Variants in ERCC6 observed in about 807,000 individuals in gnomAD.
ERCC6 encodes ERCC excision repair 6, chromatin remodeling factor, also known as DNA excision repair protein ERCC-6.
ERCC6 carries 116 observed loss-of-function variants against 158.7 expected under a neutral mutation model. The ratio of observed to expected loss-of-function variants is 0.73; its 90% confidence interval spans 0.63 to 0.85. The LOEUF is 0.85. Among genes scored for constraint, ERCC6 ranks in the 40% least tolerant of loss-of-function variants. The pLI is 0.00. For missense variants in ERCC6, 1,698 were observed against 1,799.4 expected (o/e 0.94, Z 1.02); for synonymous variants, 678 against 659.3 (o/e 1.03, Z -0.43).
In ERCC6 at chr10:49,516,673, G is replaced by T. The variant is rs1175092926; in HGVS notation, c.1397+7360C>A. Reference sequence around the variant, plus strand: ...TCAATGACCTCGTCATCAAGAAAAAGTTCAAGAATTTCTGTGGGAGTTCTC... The same window carrying T: ...TCAATGACCTCGTCATCAAGAAAAATTTCAAGAATTTCTGTGGGAGTTCTC... On this transcript the variant is annotated intron_variant, in intron 5 of 20. Transcript: ENST00000355832. 5 of 1,614,066 alleles carry T rather than the reference G, an allele frequency of 3.1e-6. No individual in the cohort carries two copies. In the East Asian group the frequency reaches 8.9e-5, roughly 29 times the overall value.
chr10:49,459,782 A>T (rs956991208), intron 20 of ERCC6, among the ~76,000 whole-genome samples: 2 of 152,220 alleles, frequency 1.3e-5, no homozygotes, highest in Non-Finnish European at 1.5e-5. Context: ...AGCACAGAAC[A>T]TGGGAAGTCA....
intron 1 of ERCC6, among the ~76,000 whole-genome samples, chr10:49,535,872 C>T (rs1465322639): frequency 6.6e-6 from 1 of 152,102 alleles, no homozygotes; most frequent in Non-Finnish European, 1.5e-5. Flanking sequence ...ACCTGTAATC[C>T]CAGCACTTTG....
chr10:49,499,822 T>C (rs918941745), intron 7 of ERCC6, among the ~76,000 whole-genome samples: 1 of 152,234 alleles, frequency 6.6e-6, no homozygotes, highest in East Asian at 1.9e-4. Flanking sequence ...AAAGCCTTAA[T>C]AGTTTATTTA....
chr10:49,465,078 A>G (rs528126755), intron 18 of ERCC6, among the ~76,000 whole-genome samples: 1 of 152,314 alleles, frequency 6.6e-6, no homozygotes, highest in Admixed American at 6.5e-5. Flanking sequence ...CAGACACTCA[A>G]TGCCACCCAT....
the ERCC6 span, among the ~76,000 whole-genome samples, chr10:49,438,782 AT>A: frequency 6.6e-6 from 1 of 152,356 alleles, no homozygotes; most frequent in East Asian, 1.9e-4. Context: ...AGGTACAGGT[AT>A]TGGGTAAATA....
At chr10:49,448,405 A>G in the ERCC6 span, among the ~76,000 whole-genome samples, 2 of 152,152 alleles carry the variant, frequency 1.3e-5, no homozygotes. Flanking sequence ...TAAGCTCCCA[A>G]TTTATCTTGC....
At chr10:49,501,443 A>C (rs1851353532) in intron 6 of ERCC6, 1 of 152,208 alleles carries the variant, frequency 6.6e-6, no homozygotes, top group Non-Finnish European at 1.5e-5. Context: ...TATGGGTCAA[A>C]GAGAAATAAT....
chr10:49,484,235 G>A (rs1260632094), intron 8 of ERCC6, among the ~76,000 whole-genome samples: 1 of 149,538 alleles, frequency 6.7e-6, no homozygotes, highest in African/African-American at 2.5e-5. Flanking sequence ...GAGCAGTGAT[G>A]GCACCACTAC....
chr10:49,528,910 T>A (rs1255901534), intron 3 of ERCC6, among the ~76,000 whole-genome samples: 2 of 152,204 alleles, frequency 1.3e-5, no homozygotes, highest in Non-Finnish European at 2.9e-5. Flanking sequence ...TCAGAACCAA[T>A]GGGCTATGGA....
At chr10:49,502,064 T>C (rs904151583) in intron 6 of ERCC6, 1 of 152,206 alleles carries the variant, frequency 6.6e-6, no homozygotes, top group African/African-American at 2.4e-5. Context: ...TTTGTTGTTT[T>C]GCTGTCCAAA....
At chr10:49,516,373 G>T in intron 5 of ERCC6, 1 of 1,614,092 alleles carries the variant, frequency 6.2e-7, no homozygotes, top group Non-Finnish European at 8.5e-7. Context: ...CTTATGAGAG[G>T]TCGCAATTTG....
At chr10:49,507,645 CAG>C (rs1851466648) in intron 5 of ERCC6, among the ~76,000 whole-genome samples, 1 of 152,156 alleles carries the variant, frequency 6.6e-6, no homozygotes, top group African/African-American at 2.4e-5. Context: ...TCGTTCTTGA[CAG>C]GGGGCAATTC....
chr10:49,494,005 C>T (rs1182292676), intron 7 of ERCC6, among the ~76,000 whole-genome samples: 3 of 152,206 alleles, frequency 2.0e-5, no homozygotes, highest in Non-Finnish European at 4.4e-5. Flanking sequence ...ACCCAGCAAT[C>T]CCAATAAAAA....
intron 4 of ERCC6, chr10:49,525,050 G>A (rs941047486): frequency 3.2e-6 from 2 of 630,110 alleles, no homozygotes; most frequent in Non-Finnish European, 5.0e-6. Flanking sequence ...CCAAAGATAG[G>A]CTTATTACTG....
intron 18 of ERCC6, among the ~76,000 whole-genome samples, chr10:49,467,707 A>G (rs1447650809): frequency 6.6e-6 from 1 of 151,680 alleles, no homozygotes; most frequent in Non-Finnish European, 1.5e-5. Context: ...CTGGGACCAC[A>G]GGTGTATGCT....
intron 5 of ERCC6, among the ~76,000 whole-genome samples, chr10:49,512,110 A>G (rs1266312809): frequency 6.6e-6 from 1 of 152,246 alleles, no homozygotes; most frequent in African/African-American, 2.4e-5. Context: ...AACAAATGTC[A>G]AAACACCTAT....
chr10:49,529,995 C>T (rs1429479477), intron 3 of ERCC6, among the ~76,000 whole-genome samples: 1 of 151,914 alleles, frequency 6.6e-6, no homozygotes, highest in Non-Finnish European at 1.5e-5. Flanking sequence ...CTGTAACACC[C>T]AAGGTGGGAG....
At chr10:49,534,472 T>C (rs550229835) in intron 1 of ERCC6, among the ~76,000 whole-genome samples, 2 of 152,336 alleles carry the variant, frequency 1.3e-5, no homozygotes, top group South Asian at 2.1e-4. Context: ...TATACTGATA[T>C]AAAAGCCATG....
At chr10:49,518,540 T>C (rs1247554057) in intron 5 of ERCC6, among the ~76,000 whole-genome samples, 6 of 152,338 alleles carry the variant, frequency 3.9e-5, no homozygotes, top group Middle Eastern at 6.8e-3. Flanking sequence ...TCAGCCATCA[T>C]TGTTCTTGTG....
Sources: gnomAD v4.1 joint callset for allele counts (sites outside exome capture counted in the v4.1 genomes callset) on GRCh38, gnomAD v4.1.1 for gene constraint, MANE v1.5 for transcripts, NCBI Gene and HGNC (gene_info 2026-07-23, HGNC 2026-07-21) for gene names.